SNX14: variants seen among roughly 807,000 people sequenced by gnomAD.
SNX14 encodes the protein sorting nexin-14.
A neutral mutation model predicts 133.8 loss-of-function variants in SNX14; 93 were observed. That is an observed-to-expected ratio of 0.70 (90% CI 0.59 to 0.83). The LOEUF (loss-of-function observed/expected upper bound fraction) is 0.83, where lower values mean the gene tolerates loss of function less well. Among genes scored for constraint, SNX14 ranks in the 40% least tolerant of loss-of-function variants. The probability of loss-of-function intolerance (pLI) is 0.00; values close to 1 mark genes in which losing one functional copy is unlikely to be tolerated. For missense variants in SNX14, 945 were observed against 1,094.9 expected (o/e 0.86, Z 1.93); for synonymous variants, 368 against 365.6 (o/e 1.01, Z -0.07).
In SNX14 at chr6:85,547,231, A is replaced by T. The variant is rs145795023; in HGVS notation, c.994-5T>A. On this transcript the variant is annotated splice_region_variant and splice_polypyrimidine_tract_variant and intron_variant, in intron 11 of 28. Transcript: ENST00000314673. ...CTTCAATTCTAACTTCAGCACCTTG[A>T]TATAAGAGAAAGATTAAGTTTAAGC... The T allele has an allele frequency of 3.3e-4, 530 of 1,613,196 alleles. 5 individuals are homozygous for T. The African/African-American group carries it at 6.4e-3, about 20-fold the overall frequency.
At chr6:85,535,749 T>C (rs534110329) in intron 17 of SNX14, among the ~76,000 whole-genome samples, 17 of 152,102 alleles carry the variant, frequency 1.1e-4, no homozygotes, top group Non-Finnish European at 2.1e-4. Context: ...CAGTGACCCT[T>C]ACATGAAGGC....
intron 21 of SNX14, among the ~76,000 whole-genome samples, chr6:85,522,491 T>C (rs1777212972): frequency 6.6e-6 from 1 of 152,214 alleles, no homozygotes; most frequent in African/African-American, 2.4e-5. Flanking sequence ...CTTTACAATA[T>C]TGCGGTTTCT....
chr6:85,549,695 A>G, intron 8 of SNX14, 28 bp downstream of exon 8: 1 of 1,574,130 alleles, frequency 6.4e-7, no homozygotes, highest in Non-Finnish European at 8.6e-7. Context: ...TTATGCAAAT[A>G]CTATTATATT....
intron 16 of SNX14, 125 bp from the exon 17 acceptor site, chr6:85,537,049 A>G: frequency 9.8e-7 from 1 of 1,018,140 alleles, no homozygotes; most frequent in African/African-American, 1.6e-5. Context: ...TATAGCTAAC[A>G]TAACTTTTGG....
chr6:85,572,309 A>G lies in SNX14; in HGVS notation c.327T>C (p.Cys109=), dbSNP rs893646713. Reference sequence around the variant, plus strand: ...AATATTTAACTTACCTATGTCGTTTACATTTCACTTTACCACAAACAGCAC... The same window carrying G: ...AATATTTAACTTACCTATGTCGTTTGCATTTCACTTTACCACAAACAGCAC... ...HSCAVCGKVK[C]KRHRPSLLLE... is the part of the protein sequence containing the mutation. The change falls in exon 3 of 29, where the codon TGT becomes TGC. Residue 109 remains cysteine, a synonymous_variant. Coordinates refer to ENST00000314673, the MANE Select transcript of SNX14 (RefSeq NM_153816.6). The G allele has an allele frequency of 4.3e-6, 7 of 1,613,444 alleles. No individual in the cohort carries two copies. The African/African-American group carries it at 5.3e-5, about 12-fold the overall frequency.
Position 85,530,219 on chromosome 6 carries a change from G to A in SNX14, c.1867C>T (p.Leu623Phe), listed in dbSNP as rs1779786090. The A allele has an allele frequency of 3.1e-6, 5 of 1,599,616 alleles. No homozygotes were observed. The highest frequency in any genetic ancestry group is 2.7e-5 in the African/African-American group (2 of 74,148). ...TGAAATTCTGTTAGTTTTGATTCAA[G>A]TACATAGAATTCAAGATATCTTCTA... ...VYRRYLEFYVLESKLTEFHGA... is the reference protein window; with the variant it reads ...VYRRYLEFYVFESKLTEFHGA... Residue 623 changes from leucine to phenylalanine, a missense_variant, in exon 19 of 29, where the codon CTT (leucine) becomes TTT (phenylalanine). Leu to Phe is a conservative substitution (Grantham distance 22). Transcript: ENST00000314673.
chr6:85,563,813 G>C (rs1331321280), intron 6 of SNX14, among the ~76,000 whole-genome samples: 2 of 151,950 alleles, frequency 1.3e-5, no homozygotes, highest in Non-Finnish European at 2.9e-5. Context: ...GGGTACATGT[G>C]CACAATGTGC....
intron 1 of SNX14, among the ~76,000 whole-genome samples, chr6:85,582,448 GAC>G (rs1799329255): frequency 1.3e-5 from 2 of 149,598 alleles, no homozygotes; most frequent in African/African-American, 4.9e-5. Flanking sequence ...AGGAGATAGA[GAC>G]ACACACAAAA....
intron 4 of SNX14, among the ~76,000 whole-genome samples, chr6:85,571,118 C>T (rs1443350773): frequency 6.6e-6 from 1 of 151,590 alleles, no homozygotes; most frequent in South Asian, 2.1e-4. Flanking sequence ...TTTGGGAGGC[C>T]GACGTGGGTG....
chr6:85,550,219 T>C (rs1044829927), intron 7 of SNX14, among the ~76,000 whole-genome samples: 3 of 152,116 alleles, frequency 2.0e-5, no homozygotes, highest in Non-Finnish European at 2.9e-5. Flanking sequence ...CCCAAAAAAA[T>C]ATGTAACGAA....
Position 85,566,748 on chromosome 6 carries a change from T to A in SNX14, c.461+786A>T, listed in dbSNP as rs73481386. The stretch of plus-strand genomic sequence containing the variant: ...AAATTCAAAATATACTGAATCAATA[T>A]AAAATCAGGGTAGATGTCATTAAAC... On this transcript the variant is annotated intron_variant, in intron 5 of 28. Coordinates refer to ENST00000314673, the MANE Select transcript of SNX14 (RefSeq NM_153816.6). Among the ~76,000 whole-genome samples, 1,315 of 151,904 alleles carry A rather than the reference T, an allele frequency of 8.7e-3. 19 individuals are homozygous for A. Among genetic ancestry groups the A allele is most frequent in the South Asian group, 0.05 (239 of 4,798 alleles).
At chr6:85,531,276 T>A (rs1780211034) in intron 18 of SNX14, among the ~76,000 whole-genome samples, 1 of 152,194 alleles carries the variant, frequency 6.6e-6, no homozygotes, top group African/African-American at 2.4e-5. Flanking sequence ...CACCACTGTA[T>A]CTTACAGTGC....
chr6:85,526,124 A>C lies in SNX14; in HGVS notation c.2107+2T>G. ...TTATAATGATTCTTTAAATTGACTT[A>C]CCAAGATTTACATCTGGTAGTATCT... On this transcript the variant is annotated splice_donor_variant, in intron 21 of 28. Coordinates refer to ENST00000314673, the MANE Select transcript of SNX14 (RefSeq NM_153816.6). LOFTEE classifies it high-confidence loss of function. The C allele has an allele frequency of 2.0e-6, 3 of 1,525,902 alleles. No homozygotes were observed. The East Asian group carries it at 6.8e-5, about 35-fold the overall frequency. The allele number at this position is 1,525,902 out of a possible 1,614,324, so 94.5% of individuals were successfully genotyped here.
At position 85,509,863 on chromosome 6, in the gene SNX14, T is replaced by C. The variant is rs574801265; in HGVS notation, c.2654-1804A>G. On this transcript the variant is annotated intron_variant, in intron 26 of 28. Coordinates refer to ENST00000314673, the MANE Select transcript of SNX14 (RefSeq NM_153816.6). ...ATCCACTGTCTTCTTAGTTTTGCCT[T>C]TTCCAAAACAGCAGATAGTTGAAAA... Among the ~76,000 whole-genome samples, 52 of 152,298 alleles carry C rather than the reference T, an allele frequency of 3.4e-4. 1 individual carries two copies. Among genetic ancestry groups the C allele is most frequent in the Admixed American group, 3.1e-3 (47 of 15,300 alleles).
intron 1 of SNX14, among the ~76,000 whole-genome samples, chr6:85,591,951 T>C (rs1375971957): frequency 6.6e-6 from 1 of 152,210 alleles, no homozygotes; most frequent in East Asian, 1.9e-4. Context: ...AGGTGGCTGT[T>C]GCAGTGAGCC....
chr6:85,568,981 T>C (rs1794764860), intron 4 of SNX14, among the ~76,000 whole-genome samples: 1 of 151,990 alleles, frequency 6.6e-6, no homozygotes, highest in Admixed American at 6.6e-5. Context: ...TTTTTTTTTT[T>C]TGAGGCGGAG....
intron 1 of SNX14, among the ~76,000 whole-genome samples, chr6:85,587,638 TG>T (rs1801377427): frequency 6.6e-6 from 1 of 151,736 alleles, no homozygotes; most frequent in East Asian, 2.0e-4. Flanking sequence ...ACCAACTACT[TG>T]TTTGGAGAGA....
chr6:85,543,817 A>C (rs1784617147), intron 12 of SNX14, 57 bp from the exon 13 acceptor site: 2 of 1,121,556 alleles, frequency 1.8e-6, no homozygotes, highest in Non-Finnish European at 2.4e-6. Context: ...TTATTCATAA[A>C]AGCTTCAGTC....
Position 85,593,846 on chromosome 6 carries a change from G to C in SNX14, c.-128C>G. On this transcript the variant is annotated 5_prime_UTR_variant, in exon 1 of 29. Coordinates refer to ENST00000314673, the MANE Select transcript of SNX14 (RefSeq NM_153816.6). Reference sequence around the variant, plus strand: ...CACAGACGCCTACCGGCAGTTAGCCGCCGCAGGCTGAGGTCGCGTCCGGCT... The same window carrying C: ...CACAGACGCCTACCGGCAGTTAGCCCCCGCAGGCTGAGGTCGCGTCCGGCT... 1.5e-5 allele frequency: 22 copies of C among 1,507,074 alleles called. No homozygotes were observed. The highest frequency in any genetic ancestry group is 1.9e-5 in the Non-Finnish European group (22 of 1,134,932). 93.4% of individuals were successfully genotyped at this position (1,507,074 alleles called of 1,614,324 possible). A position where few individuals can be genotyped will look rare whatever the true frequency, so the allele number is the denominator to read the frequency against.
Sources: allele counts gnomAD v4.1 joint callset (sites outside exome capture counted in the v4.1 genomes callset), GRCh38; gene constraint gnomAD v4.1.1; transcripts MANE v1.5; gene names NCBI Gene and HGNC (gene_info 2026-07-23, HGNC 2026-07-21).